The following KMT2C variants were observed in gnomAD, a reference collection of about 807,000 sequenced individuals.
The protein encoded by KMT2C is lysine methyltransferase 2C, also known as histone-lysine N-methyltransferase 2C.
Under a neutral mutation model 507.9 loss-of-function variants are expected in KMT2C, and 88 were observed. The observed-to-expected ratio is 0.17, with a 90% CI of 0.15 to 0.21. The LOEUF (loss-of-function observed/expected upper bound fraction) is 0.21. KMT2C is among the 10% of genes least tolerant of loss of function. The pLI, the probability that KMT2C is intolerant of heterozygous loss-of-function variation, is 1.00. For missense variants in KMT2C, 4,954 were observed against 5,957.8 expected (o/e 0.83, Z 5.55); for synonymous variants, 2,049 against 2,080.8 (o/e 0.98, Z 0.42).
intron 1 of KMT2C, among the ~76,000 whole-genome samples, chr7:152,411,731 A>G (rs2097686756): frequency 6.6e-6 from 1 of 152,272 alleles, no homozygotes; most frequent in African/African-American, 2.4e-5. Flanking sequence ...CTTAATTTCA[A>G]ATAACCCAAC....
chr7:152,258,278 T>G (rs1367808383), intron 9 of KMT2C, among the ~76,000 whole-genome samples: 1 of 152,164 alleles, frequency 6.6e-6, no homozygotes, highest in African/African-American at 2.4e-5. Context: ...ATGGGACTAT[T>G]TCAGCCAAAA....
intron 6 of KMT2C, among the ~76,000 whole-genome samples, chr7:152,288,042 A>G (rs1326542295): frequency 6.6e-6 from 1 of 150,816 alleles, no homozygotes; most frequent in Non-Finnish European, 1.5e-5. Context: ...AAAAAAAAAA[A>G]AAAGCAATTA....
At chr7:152,153,631 G>A (rs1474336680) in intron 48 of KMT2C, among the ~76,000 whole-genome samples, 1 of 151,414 alleles carries the variant, frequency 6.6e-6, no homozygotes, top group African/African-American at 2.4e-5. Context: ...GGAGGCTAAA[G>A]CAGAAGGATT....
chr7:152,227,974 G>A (rs142907834), intron 18 of KMT2C, among the ~76,000 whole-genome samples: 9 of 152,310 alleles, frequency 5.9e-5, no homozygotes, highest in African/African-American at 1.7e-4. Flanking sequence ...TGCTAGGACC[G>A]CAGCTACCAA....
intron 23 of KMT2C, among the ~76,000 whole-genome samples, chr7:152,208,983 T>C (rs1354284281): frequency 6.8e-6 from 1 of 147,470 alleles, no homozygotes; most frequent in African/African-American, 2.5e-5. Flanking sequence ...CTGACCAACA[T>C]GGTGAGTCTC....
intron 26 of KMT2C, among the ~76,000 whole-genome samples, chr7:152,201,313 C>G (rs1207378042): frequency 1.1e-4 from 17 of 151,824 alleles, no homozygotes; most frequent in African/African-American, 4.1e-4. Context: ...CACACACACA[C>G]ACACACACAC....
At chr7:152,231,554 G>A (rs2095113595) in intron 16 of KMT2C, among the ~76,000 whole-genome samples, 2 of 152,282 alleles carry the variant, frequency 1.3e-5, no homozygotes, top group Non-Finnish European at 2.9e-5. Context: ...GCTAAAGTGG[G>A]TGGATCGCTT....
At chr7:152,244,360 C>T (rs934497646) in intron 14 of KMT2C, among the ~76,000 whole-genome samples, 4 of 152,002 alleles carry the variant, frequency 2.6e-5, no homozygotes, top group Non-Finnish European at 4.4e-5. Flanking sequence ...AAACCCAGGT[C>T]GCAAAGTACA....
Position 152,417,066 on chromosome 7 carries a change from A to C in KMT2C, c.161+18560T>G, listed in dbSNP as rs543468355. Among the ~76,000 whole-genome samples, 1,355 of 151,440 alleles carry C rather than the reference A, an allele frequency of 8.9e-3. 28 individuals carry two copies. Among genetic ancestry groups the C allele is most frequent in the African/African-American group, 0.031 (1,274 of 41,094 alleles). On this transcript the variant is annotated intron_variant, in intron 1 of 58. Transcript: ENST00000262189. ...ATCATCTCAAAAAAAAAAAAAAAAA[A>C]AAGAGTTTATATTTATCTCAAAAAA...
In KMT2C at chr7:152,178,015, T is replaced by TTTAAAA. The variant is rs1491309235; in HGVS notation, c.7443-6_7443-5insTTTTAA. 13 of 811,024 alleles carry TTTAAAA rather than the reference T, an allele frequency of 1.6e-5. No homozygotes were observed. In the African/African-American group the frequency reaches 2.2e-4, roughly 13 times the overall value. The allele number at this position is 811,024 out of a possible 1,614,324, so 50.2% of individuals were successfully genotyped here. On this transcript the variant is annotated splice_polypyrimidine_tract_variant and splice_region_variant and intron_variant, in intron 37 of 58. Transcript: ENST00000262189. ...CTACCTCCTGGAAATCCAAATCTTT[T>TTTAAAA]AAAAAAAAAAAAAAAAAAAAAAAAA...
chr7:152,220,010 A>G (rs2094716690), intron 23 of KMT2C: 1 of 141,020 alleles, frequency 7.1e-6, no homozygotes, highest in South Asian at 2.2e-4. Context: ...CTCCCAACTG[A>G]AAAAAAAAAA....
At chr7:152,380,755 A>G (rs1375956435) in intron 1 of KMT2C, among the ~76,000 whole-genome samples, 1 of 152,200 alleles carries the variant, frequency 6.6e-6, no homozygotes, top group East Asian at 1.9e-4. Flanking sequence ...ATAAAAGGAT[A>G]GGTAGGATTT....
chr7:152,158,612 C>T (rs1310986092), intron 44 of KMT2C, among the ~76,000 whole-genome samples: 1 of 151,812 alleles, frequency 6.6e-6, no homozygotes, highest in East Asian at 1.9e-4. Context: ...GCCATCCAGG[C>T]TCAAGCAATT....
intron 2 of KMT2C, among the ~76,000 whole-genome samples, chr7:152,340,265 G>GGCATGA (rs536013661): frequency 0.012 from 1,816 of 151,450 alleles, 43 homozygotes; most frequent in African/African-American, 0.042. Flanking sequence ...TAGAATTACA[G>GGCATGA]GCATGAGCCA....
rs192434010 is a variant in KMT2C at position 152,295,621 on chromosome 7, T to A, written c.849+14345A>T. ...CTGTTTATTGCCTATAAAATATCCA[T>A]TCCCCCTTTTTCCTTCCTACAGATT... On this transcript the variant is annotated intron_variant, in intron 6 of 58. Coordinates refer to ENST00000262189, the MANE Select transcript of KMT2C (RefSeq NM_170606.3). 3.9e-5 allele frequency among the ~76,000 whole-genome samples: 6 copies of A among 152,314 alleles called. No homozygotes were observed. In the East Asian group the frequency reaches 7.7e-4, roughly 20 times the overall value.
At chr7:152,159,250 C>T (rs17173352) in intron 43 of KMT2C, among the ~76,000 whole-genome samples, 178 bp from the exon 44 acceptor site, 3,185 of 152,280 alleles carry the variant, frequency 0.021, 121 homozygotes, top group African/African-American at 0.073. Context: ...TTTCTTCAAA[C>T]GTTATTCTCG....
At chr7:152,315,002 A>C (rs2096709902) in intron 4 of KMT2C, 136 bp downstream of exon 4, 12 of 684,100 alleles carry the variant, frequency 1.8e-5, no homozygotes, top group Non-Finnish European at 2.7e-5. Context: ...GGTGAGTCAG[A>C]GTATCCCATA....
In KMT2C at chr7:152,174,154, G is replaced by A. The variant is rs1312967915; in HGVS notation, c.9351C>T (p.Gly3117=). The change falls in exon 39 of 59, where the codon GGC becomes GGT. Residue 3117 remains glycine, a synonymous_variant. Coordinates refer to ENST00000262189, the MANE Select transcript of KMT2C (RefSeq NM_170606.3). Reference sequence around the variant, plus strand: ...ACCTGCTCATCACCATTGGTGGCATGCCCAGATTGTTTTGTGCCATCACTT... The same window carrying A: ...ACCTGCTCATCACCATTGGTGGCATACCCAGATTGTTTTGTGCCATCACTT... ...INKVMAQNNL[G]MPPMVMSRFP... The A allele has an allele frequency of 6.2e-7, 1 of 1,607,160 alleles. No homozygotes were observed. Among genetic ancestry groups the A allele is most frequent in the Admixed American group, 1.7e-5 (1 of 59,408 alleles).
intron 6 of KMT2C, among the ~76,000 whole-genome samples, chr7:152,297,056 AGAGAG>A (rs2096517575): frequency 6.0e-3 from 254 of 41,990 alleles, no homozygotes; most frequent in East Asian, 0.024. Flanking sequence ...AAAGAAAGAC[AGAGAG>A]AGAGAGAGAG....
Sources: allele counts gnomAD v4.1 joint callset (sites outside exome capture counted in the v4.1 genomes callset), GRCh38; gene constraint gnomAD v4.1.1; transcripts MANE v1.5; gene names NCBI Gene and HGNC (gene_info 2026-07-23, HGNC 2026-07-21).